ZBTB20: variants seen among roughly 807,000 people sequenced by gnomAD.
ZBTB20 encodes the protein zinc finger and BTB domain-containing protein 20.
Under a neutral mutation model 56.9 loss-of-function variants are expected in ZBTB20, and 9 were observed. The ratio of observed to expected loss-of-function variants is 0.16; its 90% CI spans 0.10 to 0.28. The LOEUF (loss-of-function observed/expected upper bound fraction) is 0.28, where lower values mean the gene tolerates loss of function less well. Among genes scored for constraint, ZBTB20 ranks in the 10% least tolerant of loss-of-function variants. The pLI, the probability that ZBTB20 is intolerant of heterozygous loss-of-function variation, is 1.00. For missense variants in ZBTB20, 655 were observed against 1,003.0 expected (o/e 0.65, Z 4.69); for synonymous variants, 417 against 420.7 (o/e 0.99, Z 0.11).
At chr3:114,804,837 G>A (rs1216263525) in intron 4 of ZBTB20, among the ~76,000 whole-genome samples, 1 of 151,702 alleles carries the variant, frequency 6.6e-6, no homozygotes, top group Non-Finnish European at 1.5e-5. Flanking sequence ...ACTGAAAGAT[G>A]ACAATCATAA....
intron 2 of ZBTB20, among the ~76,000 whole-genome samples, chr3:115,048,846 G>C (rs767350825): frequency 3.9e-5 from 6 of 151,954 alleles, no homozygotes; most frequent in Non-Finnish European, 7.4e-5. Context: ...ATATATAAAA[G>C]AGTATTTATT....
chr3:114,564,270 A>G (rs962038309), intron 6 of ZBTB20, among the ~76,000 whole-genome samples: 9 of 152,124 alleles, frequency 5.9e-5, no homozygotes, highest in Non-Finnish European at 2.9e-5. Context: ...TCCTTAATTT[A>G]GTCACATCTG....
chr3:114,975,612 G>T (rs569926411), intron 2 of ZBTB20, among the ~76,000 whole-genome samples: 96 of 152,236 alleles, frequency 6.3e-4, no homozygotes, highest in Admixed American at 3.1e-3. Context: ...GGGTGCATCA[G>T]CATTATTACA....
chr3:114,388,578 G>C (rs1395832852), intron 8 of ZBTB20: 1 of 152,376 alleles, frequency 6.6e-6, no homozygotes, highest in Non-Finnish European at 1.5e-5. Context: ...TCAGACAACA[G>C]GTAAATAAAA....
chr3:114,561,137 A>C (rs1476858201), intron 6 of ZBTB20, among the ~76,000 whole-genome samples: 1 of 152,204 alleles, frequency 6.6e-6, no homozygotes, highest in Non-Finnish European at 1.5e-5. Flanking sequence ...TTACATCTTC[A>C]GGCTTCACTT....
chr3:114,850,966 T>C (rs1237498441), intron 4 of ZBTB20, among the ~76,000 whole-genome samples: 1 of 152,120 alleles, frequency 6.6e-6, no homozygotes, highest in Non-Finnish European at 1.5e-5. Context: ...TGGCTGTAAA[T>C]GCTGCATATT....
chr3:114,364,693 C>T (rs1049485463), intron 10 of ZBTB20, among the ~76,000 whole-genome samples: 3 of 152,176 alleles, frequency 2.0e-5, no homozygotes, highest in Non-Finnish European at 4.4e-5. Context: ...TGAGATTATA[C>T]TAAAGGCTCA....
chr3:114,456,212 TGGAG>T (rs770320804), intron 7 of ZBTB20, among the ~76,000 whole-genome samples: 21,167 of 151,108 alleles, frequency 0.14, 2,351 homozygotes, highest in African/African-American at 0.29. Context: ...TATATATATA[TGGAG>T]AGAGAGAGAG....
chr3:114,583,632 T>C (rs1216809173), intron 6 of ZBTB20, among the ~76,000 whole-genome samples: 1 of 152,242 alleles, frequency 6.6e-6, no homozygotes, highest in Non-Finnish European at 1.5e-5. Context: ...CAAGTGTTTC[T>C]TTGAAATCTT....
intron 3 of ZBTB20, among the ~76,000 whole-genome samples, chr3:114,957,708 A>T (rs1264948217): frequency 6.6e-6 from 1 of 152,192 alleles, no homozygotes; most frequent in Non-Finnish European, 1.5e-5. Flanking sequence ...TTTAAATGCT[A>T]CCTAGGAGGA....
At chr3:114,817,520 A>AAAAT (rs35530713) in intron 4 of ZBTB20, among the ~76,000 whole-genome samples, 8,820 of 143,094 alleles carry the variant, frequency 0.062, 260 homozygotes, top group African/African-American at 0.081. Context: ...CTCTGTCTCA[A>AAAAT]AAATAAATAA....
At chr3:115,144,442 C>T (rs983455391) in intron 1 of ZBTB20, among the ~76,000 whole-genome samples, 9 of 152,062 alleles carry the variant, frequency 5.9e-5, no homozygotes, top group African/African-American at 1.9e-4. Context: ...GATTTTCTTC[C>T]TATACCAAGT....
chr3:115,133,905 T>A lies in ZBTB20; in HGVS notation c.-703+13314A>T, dbSNP rs541463102. Among the ~76,000 whole-genome samples the A allele has an allele frequency of 2.6e-5, 4 of 152,326 alleles. No homozygotes were observed. In the East Asian group the frequency reaches 7.7e-4, roughly 29 times the overall value. On this transcript the variant is annotated intron_variant, in intron 1 of 11. Transcript: ENST00000675478. ...TTGAGTATATACCTCAGAGTGGAAT[T>A]GACAGGCTCATTTTCTTTTTTGCTT...
intron 1 of ZBTB20, among the ~76,000 whole-genome samples, chr3:115,077,271 T>G (rs760059946): frequency 6.6e-6 from 1 of 152,160 alleles, no homozygotes; most frequent in African/African-American, 2.4e-5. Context: ...CTCCCCCAAA[T>G]TCATACGTTG....
At chr3:115,142,425 G>T (rs1482760155) in intron 1 of ZBTB20, among the ~76,000 whole-genome samples, 1 of 152,068 alleles carries the variant, frequency 6.6e-6, no homozygotes, top group Non-Finnish European at 1.5e-5. Context: ...CTCTTTGGGA[G>T]GCCAAGGCAG....
At chr3:114,451,593 C>A (rs943817545) in intron 7 of ZBTB20, among the ~76,000 whole-genome samples, 12 of 148,992 alleles carry the variant, frequency 8.1e-5, no homozygotes, top group African/African-American at 2.7e-4. Flanking sequence ...TATGCATGTG[C>A]GCACACACGC....
intron 7 of ZBTB20, among the ~76,000 whole-genome samples, chr3:114,439,888 T>C (rs2090793724): frequency 6.6e-6 from 1 of 152,186 alleles, no homozygotes; most frequent in South Asian, 2.1e-4. Context: ...AAGATATCTA[T>C]TGGCAAAGCT....
chr3:114,509,599 C>A lies in ZBTB20; in HGVS notation c.-294-9208G>T, dbSNP rs866505737. 2.0e-5 allele frequency among the ~76,000 whole-genome samples: 3 copies of A among 152,096 alleles called. No homozygotes were observed. The South Asian group carries it at 6.2e-4, about 31-fold the overall frequency. On this transcript the variant is annotated intron_variant, in intron 6 of 11. Coordinates refer to ENST00000675478, the MANE Select transcript of ZBTB20 (RefSeq NM_001348800.3). ...TAAATGCACACATCATACGTGCACA[C>A]ACACATATTCTTCTTCTCAAAAGTC...
intron 6 of ZBTB20, among the ~76,000 whole-genome samples, chr3:114,592,872 A>T (rs1053188262): frequency 1.3e-5 from 2 of 152,134 alleles, no homozygotes; most frequent in African/African-American, 2.4e-5. Context: ...ATTCTTATAC[A>T]TTCACAATCT....
Sources: allele counts gnomAD v4.1 joint callset (sites outside exome capture counted in the v4.1 genomes callset), GRCh38; gene constraint gnomAD v4.1.1; transcripts MANE v1.5; gene names NCBI Gene and HGNC (gene_info 2026-07-23, HGNC 2026-07-21).